Variants in DLG2 observed in about 807,000 individuals in gnomAD.
The protein encoded by DLG2 is disks large homolog 2.
In DLG2, 45 loss-of-function variants were observed where a neutral mutation model predicts 132.5. That is an observed-to-expected ratio of 0.34 (90% CI 0.27 to 0.44). The LOEUF is 0.44. Among genes scored for constraint, DLG2 ranks in the 20% least tolerant of loss-of-function variants. The pLI, the probability that DLG2 is intolerant of heterozygous loss-of-function variation, is 1.00. For missense variants in DLG2, 1,045 were observed against 1,196.9 expected (o/e 0.87, Z 1.87); for synonymous variants, 424 against 419.6 (o/e 1.01, Z -0.13).
In DLG2 at chr11:84,115,436, T is replaced by C. The variant is rs2093587902; in HGVS notation, c.625-16389A>G. Among the ~76,000 whole-genome samples the C allele has an allele frequency of 2.0e-5, 3 of 152,216 alleles. No homozygotes were observed. The South Asian group carries it at 6.2e-4, about 32-fold the overall frequency. ...CCATTCCCCTTAGGAGTATATTTGC[T>C]TTCTTTGCAACCCTGAGCATTTTGG... On this transcript the variant is annotated intron_variant, in intron 9 of 27. Transcript: ENST00000376104.
At chr11:83,885,670 A>G (rs893469311) in intron 15 of DLG2, among the ~76,000 whole-genome samples, 5 of 152,202 alleles carry the variant, frequency 3.3e-5, no homozygotes, top group Admixed American at 2.6e-4. Context: ...GTTGAAATGA[A>G]GGAAAAAATG....
At chr11:84,560,081 G>A (rs750177418) in intron 6 of DLG2, among the ~76,000 whole-genome samples, 1 of 152,000 alleles carries the variant, frequency 6.6e-6, no homozygotes, top group African/African-American at 2.4e-5. Context: ...AGCCTAACAG[G>A]TTTTGCATAA....
chr11:83,909,360 T>G (rs1173130783), intron 15 of DLG2, among the ~76,000 whole-genome samples: 1 of 152,090 alleles, frequency 6.6e-6, no homozygotes, highest in African/African-American at 2.4e-5. Flanking sequence ...AGCTGCAAGG[T>G]TTTTGCAAAT....
At chr11:85,237,434 A>T (rs1194263758) in intron 4 of DLG2, among the ~76,000 whole-genome samples, 2 of 152,114 alleles carry the variant, frequency 1.3e-5, no homozygotes, top group Non-Finnish European at 2.9e-5. Context: ...GGTCTGTGAA[A>T]AAATATACAC....
chr11:84,068,652 A>G (rs1034984180), intron 10 of DLG2, among the ~76,000 whole-genome samples: 2 of 152,240 alleles, frequency 1.3e-5, no homozygotes, highest in Admixed American at 6.5e-5. Context: ...TTCCATTGAA[A>G]TTAAAATTTA....
At position 84,764,458 on chromosome 11, in the gene DLG2, C is replaced by A. The variant is rs947469384; in HGVS notation, c.358-229727G>T. Among the ~76,000 whole-genome samples, 3 of 152,064 alleles carry A rather than the reference C, an allele frequency of 2.0e-5. No homozygotes were observed. The South Asian group carries it at 6.2e-4, about 32-fold the overall frequency. ...TGATAGTTAACATTTACATAGTGCT[C>A]ATTTTCTGCCAAGCACTGTTCTAAG... On this transcript the variant is annotated intron_variant, in intron 6 of 27. Coordinates refer to ENST00000376104, the MANE Select transcript of DLG2 (RefSeq NM_001142699.3).
At chr11:83,603,994 G>C (rs999474170) in intron 19 of DLG2, among the ~76,000 whole-genome samples, 2 of 152,088 alleles carry the variant, frequency 1.3e-5, no homozygotes, top group East Asian at 3.8e-4. Flanking sequence ...TCTCTAAACT[G>C]CTGGTATGAG....
rs761719769 is a variant in DLG2 at position 83,462,143 on chromosome 11, C to G, written c.2730-50G>C. The G allele has an allele frequency of 4.1e-6, 5 of 1,224,868 alleles. No homozygotes were observed. In the South Asian group the frequency reaches 6.3e-5, roughly 15 times the overall value. The allele number at this position is 1,224,868 out of a possible 1,614,324, so 75.9% of individuals were successfully genotyped here. ...GAACATAAAGGGAATATTCCAAATC[C>G]TAAAAAATTAAAATGTATGGCAAAA... On this transcript the variant is annotated intron_variant, in intron 26 of 27. Coordinates refer to ENST00000376104, the MANE Select transcript of DLG2 (RefSeq NM_001142699.3).
chr11:84,777,154 T>A (rs751031200), intron 6 of DLG2, among the ~76,000 whole-genome samples: 5 of 151,610 alleles, frequency 3.3e-5, no homozygotes, highest in Non-Finnish European at 5.9e-5. Context: ...TATTTGACTT[T>A]CTGTGTTTGA....
chr11:83,745,283 A>G (rs1432859557), intron 18 of DLG2, among the ~76,000 whole-genome samples: 1 of 152,234 alleles, frequency 6.6e-6, no homozygotes, highest in Non-Finnish European at 1.5e-5. Context: ...TTTGAAAAAA[A>G]TTAGAAAACT....
chr11:84,725,520 G>C lies in DLG2; in HGVS notation c.358-190789C>G, dbSNP rs990175995. Among the ~76,000 whole-genome samples, 10 of 152,150 alleles carry C rather than the reference G, an allele frequency of 6.6e-5. No homozygotes were observed. In the East Asian group the frequency reaches 1.2e-3, roughly 18 times the overall value. ...AGTTTCCTGAAACATGTAAGGCAGA[G>C]AGGGATATGAATGTCTTTCTGCCAT... is the stretch of plus-strand genomic sequence containing the variant. On this transcript the variant is annotated intron_variant, in intron 6 of 27. Coordinates refer to ENST00000376104, the MANE Select transcript of DLG2 (RefSeq NM_001142699.3).
intron 12 of DLG2, among the ~76,000 whole-genome samples, chr11:83,974,372 T>G (rs576987965): frequency 6.6e-6 from 1 of 152,144 alleles, no homozygotes; most frequent in African/African-American, 2.4e-5. Context: ...TTTCATGGCT[T>G]TACTCTAGGA....
chr11:84,573,280 A>G (rs1442413630), intron 6 of DLG2, among the ~76,000 whole-genome samples: 2 of 152,176 alleles, frequency 1.3e-5, no homozygotes, highest in Non-Finnish European at 2.9e-5. Context: ...TTAGTTATCT[A>G]TTAAGTAGCA....
intron 3 of DLG2, among the ~76,000 whole-genome samples, chr11:85,509,202 A>C (rs776629542): frequency 6.6e-6 from 1 of 152,094 alleles, no homozygotes; most frequent in Non-Finnish European, 1.5e-5. Flanking sequence ...TCTACACCTG[A>C]GTCCTGAAAA....
At chr11:84,033,540 T>G (rs2095770873) in intron 11 of DLG2, among the ~76,000 whole-genome samples, 1 of 152,234 alleles carries the variant, frequency 6.6e-6, no homozygotes, top group East Asian at 1.9e-4. Flanking sequence ...ATGTGAATAT[T>G]GTTGAAATGA....
chr11:85,604,605 T>C (rs1397015683), intron 2 of DLG2, among the ~76,000 whole-genome samples: 1 of 152,012 alleles, frequency 6.6e-6, no homozygotes, highest in Non-Finnish European at 1.5e-5. Context: ...CATTAAACTC[T>C]ACCTTCATAA....
At chr11:85,369,469 T>A (rs1596580746) in intron 3 of DLG2, among the ~76,000 whole-genome samples, 2 of 151,788 alleles carry the variant, frequency 1.3e-5, no homozygotes, top group East Asian at 3.9e-4. Flanking sequence ...AACCTTTAAC[T>A]TTTTTTTTCC....
intron 6 of DLG2, among the ~76,000 whole-genome samples, chr11:84,692,667 C>G (rs896036756): frequency 1.2e-4 from 18 of 151,668 alleles, no homozygotes; most frequent in Admixed American, 4.0e-4. Flanking sequence ...TAAACATTTG[C>G]TAAGAACCAT....
At chr11:83,944,750 A>G (rs1402336159) in intron 14 of DLG2, among the ~76,000 whole-genome samples, 1 of 152,234 alleles carries the variant, frequency 6.6e-6, no homozygotes, top group African/African-American at 2.4e-5. Flanking sequence ...CTAGAGTTGT[A>G]ATAAAAGCCA....
Sources: gnomAD v4.1 joint callset for allele counts (sites outside exome capture counted in the v4.1 genomes callset) on GRCh38, gnomAD v4.1.1 for gene constraint, MANE v1.5 for transcripts, NCBI Gene and HGNC (gene_info 2026-07-23, HGNC 2026-07-21) for gene names.